The following HECW1 variants were observed in gnomAD, a reference collection of about 807,000 sequenced individuals.
HECW1 encodes E3 ubiquitin-protein ligase HECW1.
HECW1 carries 61 observed loss-of-function variants against 182.3 expected under a neutral mutation model. That is an observed-to-expected ratio of 0.33 (90% CI 0.27 to 0.41). HECW1 has a LOEUF of 0.41. Ranked by LOEUF, HECW1 falls within the 10% of genes least tolerant of loss-of-function variation. HECW1 has a pLI of 1.00. For synonymous variants in HECW1, 859 were observed against 832.6 expected (o/e 1.03, Z -0.55); for missense variants, 1,739 against 2,108.9 (o/e 0.82, Z 3.44).
chr7:43,290,375 G>T (rs1004032081), intron 3 of HECW1, among the ~76,000 whole-genome samples: 1 of 152,304 alleles, frequency 6.6e-6, no homozygotes, highest in Admixed American at 6.5e-5. Context: ...ATGGTTTGTA[G>T]GGTGTGACTT....
In HECW1 at chr7:43,445,370, TCTC is replaced by T. The variant is rs755287677; in HGVS notation, c.2202_2204del (p.Ser735del). ...GCCAAGATCTCCGAGAGCACGGTCT[TCTC>T]CTCGCAAGACGACGAGGAGGAGGAG... On this transcript the variant is annotated inframe_deletion, in exon 11 of 30. Coordinates refer to ENST00000395891, the MANE Select transcript of HECW1 (RefSeq NM_015052.5). 32 of 1,613,488 alleles carry T rather than the reference TCTC, an allele frequency of 2.0e-5. No homozygotes were observed. In the African/African-American group the frequency reaches 2.1e-4, roughly 11 times the overall value.
At chr7:43,299,276 G>T (rs1374024983) in intron 3 of HECW1, among the ~76,000 whole-genome samples, 1 of 152,220 alleles carries the variant, frequency 6.6e-6, no homozygotes, top group Non-Finnish European at 1.5e-5. Flanking sequence ...GATTCCACGA[G>T]GCCGGAATCG....
At chr7:43,119,884 A>G (rs959711568) in intron 2 of HECW1, among the ~76,000 whole-genome samples, 3 of 152,112 alleles carry the variant, frequency 2.0e-5, no homozygotes, top group Non-Finnish European at 4.4e-5. Context: ...AGCGCTAGTA[A>G]GCTTTCCTAA....
chr7:43,174,490 C>A (rs1792010744), intron 2 of HECW1, among the ~76,000 whole-genome samples: 1 of 152,194 alleles, frequency 6.6e-6, no homozygotes, highest in Non-Finnish European at 1.5e-5. Context: ...TTCTCTGCTT[C>A]CTTGATCTTC....
intron 6 of HECW1, among the ~76,000 whole-genome samples, chr7:43,389,744 G>A (rs1383495377): frequency 6.6e-6 from 1 of 152,038 alleles, no homozygotes; most frequent in East Asian, 1.9e-4. Context: ...GGGCTCAAGG[G>A]ATCCTCCTAC....
intron 2 of HECW1, among the ~76,000 whole-genome samples, chr7:43,177,535 T>C (rs1232197174): frequency 6.6e-6 from 1 of 152,246 alleles, no homozygotes; most frequent in Non-Finnish European, 1.5e-5. Flanking sequence ...CATCCTTTTA[T>C]TCTCCATGTA....
At chr7:43,193,392 T>G (rs1794126904) in intron 2 of HECW1, among the ~76,000 whole-genome samples, 1 of 151,270 alleles carries the variant, frequency 6.6e-6, no homozygotes, top group African/African-American at 2.4e-5. Context: ...CGTGTTTTCT[T>G]TTTTTTTGAG....
chr7:43,518,107 A>G (rs937379969), intron 24 of HECW1, among the ~76,000 whole-genome samples: 1 of 152,262 alleles, frequency 6.6e-6, no homozygotes, highest in Non-Finnish European at 1.5e-5. Flanking sequence ...GCTAGAACAT[A>G]AAAATTATTG....
At chr7:43,363,268 G>A (rs2152814316) in intron 6 of HECW1, among the ~76,000 whole-genome samples, 1 of 152,270 alleles carries the variant, frequency 6.6e-6, no homozygotes, top group South Asian at 2.1e-4. Flanking sequence ...GCCATCACCA[G>A]AAACAAAGGC....
intron 8 of HECW1, among the ~76,000 whole-genome samples, chr7:43,409,507 T>G (rs568795917): frequency 6.6e-6 from 1 of 152,292 alleles, no homozygotes; most frequent in Admixed American, 6.5e-5. Flanking sequence ...TATCAGAATG[T>G]TTTTTGGCTA....
chr7:43,559,541 G>A (rs1186598096), intron 29 of HECW1, among the ~76,000 whole-genome samples: 1 of 152,152 alleles, frequency 6.6e-6, no homozygotes, highest in Non-Finnish European at 1.5e-5. Context: ...AACCCTTTGA[G>A]GTGCACGCAG....
chr7:43,245,376 C>G (rs1799291123), intron 3 of HECW1: 1 of 152,222 alleles, frequency 6.6e-6, no homozygotes, highest in Admixed American at 6.5e-5. Flanking sequence ...GGTGTTTTCT[C>G]TTTGGCTTTA....
intron 24 of HECW1, among the ~76,000 whole-genome samples, chr7:43,528,611 A>G (rs2080856499): frequency 6.6e-6 from 1 of 152,136 alleles, no homozygotes; most frequent in African/African-American, 2.4e-5. Context: ...GAGTCTGCAT[A>G]AGGTACTTTT....
At chr7:43,202,215 C>A (rs1467574388) in intron 2 of HECW1, among the ~76,000 whole-genome samples, 1 of 152,150 alleles carries the variant, frequency 6.6e-6, no homozygotes, top group Non-Finnish European at 1.5e-5. Flanking sequence ...AACACAGAGT[C>A]TTGTACTAGA....
At chr7:43,130,277 G>T (rs1010941170) in intron 2 of HECW1, among the ~76,000 whole-genome samples, 13 of 152,122 alleles carry the variant, frequency 8.5e-5, no homozygotes, top group African/African-American at 3.1e-4. Flanking sequence ...TGAAATAGTT[G>T]CATATACACA....
chr7:43,332,021 G>T (rs1266204445), intron 5 of HECW1, among the ~76,000 whole-genome samples: 1 of 152,180 alleles, frequency 6.6e-6, no homozygotes, highest in Non-Finnish European at 1.5e-5. Context: ...AGAAGTGTGG[G>T]TGACGCAGGT....
intron 2 of HECW1, chr7:43,239,104 G>A (rs1271215562): frequency 2.0e-5 from 3 of 152,172 alleles, no homozygotes; most frequent in Admixed American, 2.0e-4. Flanking sequence ...AACTTCCAAC[G>A]TGAGACCAGA....
chr7:43,411,386 T>A (rs532846885), intron 8 of HECW1, among the ~76,000 whole-genome samples: 1 of 152,292 alleles, frequency 6.6e-6, no homozygotes, highest in African/African-American at 2.4e-5. Flanking sequence ...TCAAGCCATG[T>A]TTTACAGTCC....
intron 2 of HECW1, among the ~76,000 whole-genome samples, chr7:43,152,227 A>G (rs1283582699): frequency 6.6e-6 from 1 of 152,186 alleles, no homozygotes; most frequent in Non-Finnish European, 1.5e-5. Flanking sequence ...AAGGACCTAT[A>G]CCACTCATTA....
Sources: allele counts gnomAD v4.1 joint callset (sites outside exome capture counted in the v4.1 genomes callset), GRCh38; gene constraint gnomAD v4.1.1; transcripts MANE v1.5; gene names NCBI Gene and HGNC (gene_info 2026-07-23, HGNC 2026-07-21).